The following BMP7 variants were observed in gnomAD, a reference collection of about 807,000 sequenced individuals.
BMP7 encodes the protein osteogenic protein 1.
Under a neutral mutation model 41.2 loss-of-function variants are expected in BMP7, and 12 were observed. That is an observed-to-expected ratio of 0.29 (90% CI 0.19 to 0.47). The LOEUF is 0.47. BMP7 is among the 20% of genes least tolerant of loss of function. The probability of loss-of-function intolerance (pLI) is 0.99; values close to 1 mark genes in which losing one functional copy is unlikely to be tolerated. For missense variants in BMP7, 467 were observed against 606.0 expected, an observed-to-expected ratio of 0.77 and a Z score of 2.41; for synonymous variants, 248 against 250.0, an observed-to-expected ratio of 0.99 and a Z score of 0.07.
chr20:57,216,062 C>A (rs989336207), intron 2 of BMP7, among the ~76,000 whole-genome samples: 1 of 152,148 alleles, frequency 6.6e-6, no homozygotes, highest in African/African-American at 2.4e-5. Flanking sequence ...AAAACAGAGG[C>A]TGGGTTGGAA....
chr20:57,201,298 A>T (rs1013789983), intron 3 of BMP7, among the ~76,000 whole-genome samples: 10 of 152,244 alleles, frequency 6.6e-5, no homozygotes, highest in Non-Finnish European at 1.3e-4. Context: ...CAGGTTAGGG[A>T]AATTGTCCAA....
At chr20:57,252,518 G>A (rs2066117858) in intron 1 of BMP7, among the ~76,000 whole-genome samples, 1 of 152,174 alleles carries the variant, frequency 6.6e-6, no homozygotes, top group Non-Finnish European at 1.5e-5. Context: ...ATAAAAGAGG[G>A]GCCAGTCCTC....
intron 3 of BMP7, among the ~76,000 whole-genome samples, chr20:57,192,292 T>A (rs35131267): frequency 7.2e-6 from 1 of 138,020 alleles, no homozygotes; most frequent in East Asian, 2.0e-4. Flanking sequence ...ATATATATAG[T>A]ATATATTATA....
intron 3 of BMP7, among the ~76,000 whole-genome samples, chr20:57,198,068 C>CCTCCT (rs1454983745): frequency 6.7e-6 from 1 of 150,026 alleles, no homozygotes; most frequent in South Asian, 2.1e-4. Context: ...TCTCCTCTCC[C>CCTCCT]CTCCTCTCCT....
rs1432583160 is a variant in BMP7 at position 57,261,263 on chromosome 20, G to A, written c.418+4442C>T. 2.0e-5 allele frequency among the ~76,000 whole-genome samples: 3 copies of A among 152,082 alleles called. No individual in the cohort carries two copies. The highest frequency in any genetic ancestry group is 2.1e-4 in the South Asian group (1 of 4,810). Reference sequence around the variant, plus strand: ...CTTGAGAGGGCTGCATCTCAAAAGCGGTTTCGTCTGTCTGTGCATTCAGAC... The same window carrying A: ...CTTGAGAGGGCTGCATCTCAAAAGCAGTTTCGTCTGTCTGTGCATTCAGAC... On this transcript the variant is annotated intron_variant, in intron 1 of 6. Transcript: ENST00000395863. The surrounding 1 kb of genome is among the most constrained non-coding windows in gnomAD (Gnocchi z 4.1).
intron 3 of BMP7, among the ~76,000 whole-genome samples, chr20:57,186,600 G>C (rs1420121368): frequency 6.6e-6 from 1 of 152,206 alleles, no homozygotes; most frequent in Non-Finnish European, 1.5e-5. Context: ...TCTGAACCCA[G>C]GTGAGGATGA....
At position 57,259,899 on chromosome 20, in the gene BMP7, T is replaced by C. The variant is rs748514251; in HGVS notation, c.418+5806A>G. 6.6e-6 allele frequency among the ~76,000 whole-genome samples: 1 copy of C among 152,172 alleles called. No homozygotes were observed. Among genetic ancestry groups the C allele is most frequent in the Non-Finnish European group, 1.5e-5 (1 of 68,032 alleles). ...GCTTAAATGAACTATCTGTTCCATA[T>C]TAAGAAATACCAAGTCACATTTTTT... On this transcript the variant is annotated intron_variant, in intron 1 of 6. Transcript: ENST00000395863. This position sits in a 1 kb window ranked among gnomAD's most constrained non-coding sequence, Gnocchi z 4.7.
At chr20:57,265,201 G>C (rs1409476630) in intron 1 of BMP7, among the ~76,000 whole-genome samples, 2 of 152,222 alleles carry the variant, frequency 1.3e-5, no homozygotes, top group East Asian at 1.9e-4. Flanking sequence ...CGGAGCGCGC[G>C]GTACGCTAAG....
chr20:57,175,566 C>T (rs1378469730), intron 4 of BMP7, among the ~76,000 whole-genome samples: 1 of 152,158 alleles, frequency 6.6e-6, no homozygotes, highest in Non-Finnish European at 1.5e-5. Context: ...AAAACACTCC[C>T]GAGGTTTCTT....
At chr20:57,186,950 C>G (rs144257230) in intron 3 of BMP7, 4 of 152,312 alleles carry the variant, frequency 2.6e-5, no homozygotes, top group Middle Eastern at 6.8e-3. Flanking sequence ...TAAAAGAAAC[C>G]ATTAAAGCTG....
At chr20:57,188,391 G>C (rs1984270353) in intron 3 of BMP7, among the ~76,000 whole-genome samples, 1 of 152,126 alleles carries the variant, frequency 6.6e-6, no homozygotes, top group African/African-American at 2.4e-5. Flanking sequence ...GAAATGTCCG[G>C]AACAGGTAAA....
intron 2 of BMP7, among the ~76,000 whole-genome samples, chr20:57,223,788 C>G (rs368287239): frequency 1.3e-5 from 2 of 152,216 alleles, no homozygotes; most frequent in African/African-American, 2.4e-5. Flanking sequence ...GACCATGGCT[C>G]TCTGCCCAAA....
At position 57,252,644 on chromosome 20, in the gene BMP7, G is replaced by T. The variant is rs117718051; in HGVS notation, c.418+13061C>A. Among the ~76,000 whole-genome samples, 1,512 of 152,332 alleles carry T rather than the reference G, an allele frequency of 9.9e-3. 13 individuals are homozygous for T. Among genetic ancestry groups the T allele is most frequent in the Non-Finnish European group, 0.017 (1,144 of 68,036 alleles). On this transcript the variant is annotated intron_variant, in intron 1 of 6. Coordinates refer to ENST00000395863, the MANE Select transcript of BMP7 (RefSeq NM_001719.3). Reference sequence around the variant, plus strand: ...CTTGAGCTCCATTTCAGTCTCCAGGGTGTTTCAAAGCCAGGTAGAGCTGTG... The same window carrying T: ...CTTGAGCTCCATTTCAGTCTCCAGGTTGTTTCAAAGCCAGGTAGAGCTGTG...
chr20:57,188,463 T>C (rs1276013020), intron 3 of BMP7, among the ~76,000 whole-genome samples: 1 of 149,420 alleles, frequency 6.7e-6, no homozygotes, highest in Admixed American at 6.7e-5. Flanking sequence ...GAGCAGAGAG[T>C]GGCTCTTAAG....
At chr20:57,262,158 G>A (rs2066156600) in intron 1 of BMP7, among the ~76,000 whole-genome samples, 1 of 152,250 alleles carries the variant, frequency 6.6e-6, no homozygotes, top group South Asian at 2.1e-4. Flanking sequence ...AGAGCTGCTG[G>A]ATCTTCCCAG....
intron 1 of BMP7, among the ~76,000 whole-genome samples, chr20:57,236,335 G>A (rs2066047666): frequency 6.6e-6 from 1 of 152,232 alleles, no homozygotes; most frequent in African/African-American, 2.4e-5. Context: ...GAGCGCTCAG[G>A]AGGTGAAGTG....
In BMP7 at chr20:57,198,481, G is replaced by C. The variant is rs766989949; in HGVS notation, c.760+3994C>G. Reference sequence around the variant, plus strand: ...CCCATCCCCAGGGAGATGAGACCAGGCTCCCCGCTCGGCCTCCTCCTGATG... The same window carrying C: ...CCCATCCCCAGGGAGATGAGACCAGCCTCCCCGCTCGGCCTCCTCCTGATG... On this transcript the variant is annotated intron_variant, in intron 3 of 6. Coordinates refer to ENST00000395863, the MANE Select transcript of BMP7 (RefSeq NM_001719.3). 1.1e-3 allele frequency among the ~76,000 whole-genome samples: 160 copies of C among 152,308 alleles called. 1 individual carries two copies. The highest frequency in any genetic ancestry group is 3.4e-3 in the Middle Eastern group (1 of 294).
chr20:57,244,398 T>C (rs1462146978), intron 1 of BMP7, among the ~76,000 whole-genome samples: 1 of 152,206 alleles, frequency 6.6e-6, no homozygotes, highest in African/African-American at 2.4e-5. Context: ...CTCAGCAGCT[T>C]CTCCGGAGAC....
intron 1 of BMP7, among the ~76,000 whole-genome samples, chr20:57,248,783 T>TTTTTG (rs149345309): frequency 0.027 from 4,100 of 151,524 alleles, 79 homozygotes; most frequent in Non-Finnish European, 0.04. Flanking sequence ...GAGTTTTTTG[T>TTTTTG]TTTTGTTTTG....
Sources: gnomAD v4.1 joint callset for allele counts (sites outside exome capture counted in the v4.1 genomes callset) on GRCh38, gnomAD v4.1.1 for gene constraint, Gnocchi (gnomAD v3.1) non-coding constraint, MANE v1.5 for transcripts, NCBI Gene and HGNC (gene_info 2026-07-23, HGNC 2026-07-21) for gene names.